MAB21L3: variants seen among roughly 807,000 people sequenced by gnomAD.
MAB21L3 encodes protein mab-21-like 3.
In MAB21L3, 36 loss-of-function variants were observed where a neutral mutation model predicts 37.7. That is an observed-to-expected ratio of 0.96 (90% CI 0.73 to 1.26). The LOEUF is 1.26. Ranked by LOEUF, MAB21L3 falls within the 50% of genes most tolerant of loss-of-function variation. The pLI is 0.00. For synonymous variants in MAB21L3, 186 were observed against 176.8 expected, an observed-to-expected ratio of 1.05 and a Z score of -0.41; for missense variants, 430 against 447.3, an observed-to-expected ratio of 0.96 and a Z score of 0.35.
intron 7 of MAB21L3, 65 bp downstream of exon 7, chr1:116,128,404 C>T (rs1570812321): frequency 4.0e-6 from 6 of 1,481,584 alleles, no homozygotes; most frequent in Middle Eastern, 2.5e-4. Context: ...TTCCTGTGGC[C>T]TCTGTAGGGC....
At position 116,134,933 on chromosome 1, in the gene MAB21L3, AATT is replaced by A. The variant is rs1660170356; in HGVS notation, c.*1569_*1571del. On this transcript the variant is annotated 3_prime_UTR_variant, in exon 8 of 8. Coordinates refer to ENST00000369500, the MANE Select transcript of MAB21L3 (RefSeq NM_152367.3). Reference sequence around the variant, plus strand: ...TGCCCAAATGTCTATACCAAAGATAAATTTCTAAAGCATGAACTACTGATTTTG... The same window carrying A: ...TGCCCAAATGTCTATACCAAAGATAATCTAAAGCATGAACTACTGATTTTG... The A allele has an allele frequency of 6.6e-6, 1 of 152,194 alleles. No individual in the cohort carries two copies. The highest frequency in any genetic ancestry group is 1.5e-5 in the Non-Finnish European group (1 of 68,020). 9.4% of individuals were successfully genotyped at this position (152,194 alleles called of 1,614,324 possible).
At chr1:116,118,156 G>C (rs577204981) in intron 3 of MAB21L3, among the ~76,000 whole-genome samples, 14 of 152,232 alleles carry the variant, frequency 9.2e-5, no homozygotes, top group African/African-American at 3.1e-4. Context: ...GGCCAAGGTG[G>C]GCACAGCAAG....
chr1:116,126,651 A>G lies in MAB21L3; in HGVS notation c.482-815A>G, dbSNP rs551980253. Among the ~76,000 whole-genome samples, 5 of 151,978 alleles carry G rather than the reference A, an allele frequency of 3.3e-5. No homozygotes were observed. In the East Asian group the frequency reaches 5.8e-4, roughly 18 times the overall value. Reference sequence around the variant, plus strand: ...TGTCAGAATATCTAGGTGAAGAGGGAAAAAAAATGGCATTAGCCTTCCCTA... The same window carrying G: ...TGTCAGAATATCTAGGTGAAGAGGGGAAAAAAATGGCATTAGCCTTCCCTA... On this transcript the variant is annotated intron_variant, in intron 5 of 7. Transcript: ENST00000369500.
In MAB21L3 at chr1:116,120,959, C is replaced by T; in HGVS notation, c.76C>T (p.Gln26Ter). 1 of 1,614,146 alleles carries T rather than the reference C, an allele frequency of 6.2e-7. No individual in the cohort carries two copies. The highest frequency in any genetic ancestry group is 8.5e-7 in the Non-Finnish European group (1 of 1,180,010). ...KVDLRRQQIS[Q>*]AVEEVQKVVH... ...GGACTTGAGGCGCCAGCAGATTTCCCAGGCTGTGGAGGAGGTGCAGAAAGT... is the reference window on the plus strand; with the variant it reads ...GGACTTGAGGCGCCAGCAGATTTCCTAGGCTGTGGAGGAGGTGCAGAAAGT... The change falls in exon 4 of 8, where the codon CAG (glutamine) becomes TAG (stop). Residue 26 changes from glutamine to a stop codon, truncating the protein, a stop_gained. Transcript: ENST00000369500. LOFTEE classifies it high-confidence loss of function.
intron 3 of MAB21L3, among the ~76,000 whole-genome samples, chr1:116,117,755 A>C (rs1432973253): frequency 6.6e-6 from 1 of 152,150 alleles, no homozygotes; most frequent in Admixed American, 6.5e-5. Flanking sequence ...CTTCACTCTT[A>C]GCTCATTAAC....
intron 3 of MAB21L3, among the ~76,000 whole-genome samples, chr1:116,116,425 C>T (rs1659588403): frequency 6.6e-6 from 1 of 152,156 alleles, no homozygotes; most frequent in Non-Finnish European, 1.5e-5. Flanking sequence ...GCCCTTGCTG[C>T]ATGACCCTTT....
Position 116,133,096 on chromosome 1 carries a change from C to T in MAB21L3, c.856-36C>T, listed in dbSNP as rs552402184. On this transcript the variant is annotated intron_variant, in intron 7 of 7. Coordinates refer to ENST00000369500, the MANE Select transcript of MAB21L3 (RefSeq NM_152367.3). Reference sequence around the variant, plus strand: ...TTCCAAGCTATCCTCCTCAATTGCCCGAAACAATGTCTGACAGCACTTCTC... The same window carrying T: ...TTCCAAGCTATCCTCCTCAATTGCCTGAAACAATGTCTGACAGCACTTCTC... 2.4e-5 allele frequency: 37 copies of T among 1,561,870 alleles called. 1 individual carries two copies. In the East Asian group the frequency reaches 3.6e-4, roughly 15 times the overall value.
chr1:116,130,124 T>A (rs1660031434), intron 7 of MAB21L3, among the ~76,000 whole-genome samples: 1 of 152,248 alleles, frequency 6.6e-6, no homozygotes, highest in African/African-American at 2.4e-5. Flanking sequence ...ACGATTGACT[T>A]CATTACCTCT....
Position 116,135,871 on chromosome 1 carries a change from CA to C in MAB21L3, c.*2511del, listed in dbSNP as rs1285794930. On this transcript the variant is annotated 3_prime_UTR_variant, in exon 8 of 8. Coordinates refer to ENST00000369500, the MANE Select transcript of MAB21L3 (RefSeq NM_152367.3). ...TCCAGCATATAAACAGAACCAAAGA[CA>C]AAAACCACATGATTATCTCAATAGA... 6.6e-6 allele frequency among the ~76,000 whole-genome samples: 1 copy of C among 151,064 alleles called. No homozygotes were observed. Among genetic ancestry groups the C allele is most frequent in the Admixed American group, 6.6e-5 (1 of 15,178 alleles).
rs1191925014 is a variant in MAB21L3, at chr1:116,138,046, C to T, written c.*4681C>T. On this transcript the variant is annotated 3_prime_UTR_variant, in exon 8 of 8. Transcript: ENST00000369500. Reference sequence around the variant, plus strand: ...CTAGATGACGAGTTAGTGGGTGCAGCGCACCAGCATGGCACATGTATACAT... The same window carrying T: ...CTAGATGACGAGTTAGTGGGTGCAGTGCACCAGCATGGCACATGTATACAT... Among the ~76,000 whole-genome samples the T allele has an allele frequency of 2.7e-5, 4 of 150,046 alleles. No homozygotes were observed. The highest frequency in any genetic ancestry group is 6.6e-5 in the Admixed American group (1 of 15,090).
rs1217692652 is a variant in MAB21L3, at chr1:116,124,102, A to T, written c.226A>T (p.Ile76Leu). The T allele has an allele frequency of 1.9e-6, 3 of 1,612,330 alleles. No homozygotes were observed. The highest frequency in any genetic ancestry group is 2.5e-6 in the Non-Finnish European group (3 of 1,178,936). Residue 76 changes from isoleucine (I) to leucine (L), a missense_variant, in exon 5 of 8, where the codon ATA (isoleucine) becomes TTA (leucine). Ile to Leu is a conservative substitution (Grantham distance 5). Coordinates refer to ENST00000369500, the MANE Select transcript of MAB21L3 (RefSeq NM_152367.3). ...APSQFLVTVP[I>L]KGLAGYREAR... ...CAGTCAGTTCCTCGTCACAGTCCCA[A>T]TAAAAGGCCTGGCCGGGTACAGGGA...
At chr1:116,118,058 C>A (rs540987489) in intron 3 of MAB21L3, among the ~76,000 whole-genome samples, 2 of 151,994 alleles carry the variant, frequency 1.3e-5, no homozygotes, top group East Asian at 1.9e-4. Context: ...AAAAACTGTT[C>A]GCATCCCTGT....
intron 3 of MAB21L3, among the ~76,000 whole-genome samples, chr1:116,114,145 G>C (rs972692374): frequency 6.6e-6 from 1 of 152,174 alleles, no homozygotes. Context: ...ATTTGATCAT[G>C]AGTTTGTATA....
At chr1:116,122,163 C>T (rs889891054) in intron 4 of MAB21L3, among the ~76,000 whole-genome samples, 1 of 152,204 alleles carries the variant, frequency 6.6e-6, no homozygotes, top group Admixed American at 6.5e-5. Context: ...CCCATTACAT[C>T]TCAAGGTTGG....
chr1:116,125,984 T>C (rs1427622224), intron 5 of MAB21L3, among the ~76,000 whole-genome samples: 1 of 152,230 alleles, frequency 6.6e-6, no homozygotes, highest in East Asian at 1.9e-4. Context: ...GCAAGGTTTA[T>C]GAGGCGCTTT....
Position 116,133,514 on chromosome 1 carries a change from AG to A in MAB21L3, c.*154del, listed in dbSNP as rs1660134732. ...TACATCAAACCAGAAACACTTCAGC[AG>A]GGGGAAAACTGTGCCCCAGGATGTC... On this transcript the variant is annotated 3_prime_UTR_variant, in exon 8 of 8. Coordinates refer to ENST00000369500, the MANE Select transcript of MAB21L3 (RefSeq NM_152367.3). 2 of 715,220 alleles carry A rather than the reference AG, an allele frequency of 2.8e-6. No homozygotes were observed. Among genetic ancestry groups the A allele is most frequent in the Admixed American group, 2.7e-5 (1 of 37,438 alleles). The allele number at this position is 715,220 out of a possible 1,614,324, so 44.3% of individuals were successfully genotyped here. A position where few individuals can be genotyped will look rare whatever the true frequency, so the allele number is the denominator to read the frequency against.
At position 116,127,569 on chromosome 1, in the gene MAB21L3, C is replaced by G. The variant is rs557787019; in HGVS notation, c.585C>G (p.Thr195=). 3.1e-6 allele frequency: 5 copies of G among 1,614,164 alleles called. 1 individual carries two copies. In the South Asian group the frequency reaches 3.3e-5, roughly 11 times the overall value. Reference sequence around the variant, plus strand: ...TGGTCCCCGCAGTGGAGATCCCCACCACCTGGTCCAAGAAAGCCCGGTGGC... The same window carrying G: ...TGGTCCCCGCAGTGGAGATCCCCACGACCTGGTCCAAGAAAGCCCGGTGGC... ...LELVPAVEIP[T]TWSKKARWPR... Residue 195 remains threonine (T), a synonymous_variant, in exon 6 of 8, where the codon ACC becomes ACG. Coordinates refer to ENST00000369500, the MANE Select transcript of MAB21L3 (RefSeq NM_152367.3).
chr1:116,120,070 C>A (rs1365015292), intron 3 of MAB21L3, among the ~76,000 whole-genome samples: 1 of 152,088 alleles, frequency 6.6e-6, no homozygotes, highest in Non-Finnish European at 1.5e-5. Flanking sequence ...GCAGGCGTGA[C>A]AATACCATGG....
At position 116,135,522 on chromosome 1, in the gene MAB21L3, G is replaced by T. The variant is rs1454969216; in HGVS notation, c.*2157G>T. ...ACCAAAAAGAGTCCAGGACCAGATG[G>T]ATTCACAGCCGAATTCTACCAGAGG... On this transcript the variant is annotated 3_prime_UTR_variant, in exon 8 of 8. Coordinates refer to ENST00000369500, the MANE Select transcript of MAB21L3 (RefSeq NM_152367.3). 6.6e-6 allele frequency among the ~76,000 whole-genome samples: 1 copy of T among 151,832 alleles called. No individual in the cohort carries two copies. Among genetic ancestry groups the T allele is most frequent in the African/African-American group, 2.4e-5 (1 of 41,244 alleles).
Sources: gnomAD v4.1 joint callset for allele counts (sites outside exome capture counted in the v4.1 genomes callset) on GRCh38, gnomAD v4.1.1 for gene constraint, MANE v1.5 for transcripts, NCBI Gene and HGNC (gene_info 2026-07-23, HGNC 2026-07-21) for gene names.